ADCY2: variants seen among roughly 807,000 people sequenced by gnomAD.
ADCY2 encodes the protein adenylate cyclase type 2.
Under a neutral mutation model 125.2 loss-of-function variants are expected in ADCY2, and 31 were observed. That is an observed-to-expected ratio of 0.25 (90% confidence interval 0.19 to 0.33). The LOEUF (loss-of-function observed/expected upper bound fraction) is 0.33, where lower values mean the gene tolerates loss of function less well. Among genes scored for constraint, ADCY2 ranks in the 10% least tolerant of loss-of-function variants. The pLI is 1.00. For synonymous variants in ADCY2, 512 were observed against 548.4 expected (o/e 0.93, Z 0.93); for missense variants, 904 against 1,418.2 (o/e 0.64, Z 5.82).
chr5:7,805,227 T>G (rs1251832921), intron 22 of ADCY2, among the ~76,000 whole-genome samples: 3 of 150,766 alleles, frequency 2.0e-5, no homozygotes, highest in African/African-American at 7.3e-5. Context: ...GAGGCTGAGA[T>G]GGGAGGATGG....
intron 22 of ADCY2, among the ~76,000 whole-genome samples, chr5:7,812,228 C>T (rs1008428622): frequency 1.3e-5 from 2 of 152,058 alleles, no homozygotes; most frequent in Non-Finnish European, 1.5e-5. Context: ...AGCAAAAAAT[C>T]CTAAGTCTGT....
chr5:7,563,028 A>G (rs1410528551), intron 3 of ADCY2, among the ~76,000 whole-genome samples: 1 of 152,152 alleles, frequency 6.6e-6, no homozygotes, highest in Non-Finnish European at 1.5e-5. Flanking sequence ...TAAATGCATT[A>G]TATTGGTCTT....
intron 3 of ADCY2, among the ~76,000 whole-genome samples, chr5:7,563,358 A>G (rs1462746150): frequency 1.3e-5 from 2 of 152,222 alleles, no homozygotes; most frequent in African/African-American, 2.4e-5. Flanking sequence ...ACCCTGCAAA[A>G]GAAAGCTGCT....
At chr5:7,788,030 C>A (rs774585746) in intron 19 of ADCY2, among the ~76,000 whole-genome samples, 8 of 108,924 alleles carry the variant, frequency 7.3e-5, no homozygotes, top group Non-Finnish European at 1.3e-4. Context: ...TGAAGCCAGT[C>A]ACACCACTGA....
At chr5:7,747,808 G>A (rs985016360) in intron 15 of ADCY2, among the ~76,000 whole-genome samples, 3 of 152,284 alleles carry the variant, frequency 2.0e-5, no homozygotes, top group Admixed American at 1.3e-4. Flanking sequence ...GTTCACTGTA[G>A]CCCTATTTTG....
At chr5:7,680,191 A>C (rs938765266) in intron 4 of ADCY2, among the ~76,000 whole-genome samples, 1 of 152,208 alleles carries the variant, frequency 6.6e-6, no homozygotes, top group Non-Finnish European at 1.5e-5. Flanking sequence ...GTTTGTGAGC[A>C]GTCTGGATTG....
intron 1 of ADCY2, among the ~76,000 whole-genome samples, chr5:7,407,994 G>A (rs1340814713): frequency 1.3e-5 from 2 of 150,542 alleles, no homozygotes; most frequent in African/African-American, 2.4e-5. Context: ...TCAGCCTCCC[G>A]AGTAGCTGGG....
At chr5:7,642,185 G>T (rs914650396) in intron 4 of ADCY2, among the ~76,000 whole-genome samples, 1 of 152,072 alleles carries the variant, frequency 6.6e-6, no homozygotes, top group Non-Finnish European at 1.5e-5. Flanking sequence ...ACCAGCATGT[G>T]TGTTTTTTTG....
intron 15 of ADCY2, among the ~76,000 whole-genome samples, chr5:7,755,406 G>GA (rs373225975): frequency 4.1e-4 from 59 of 145,360 alleles, no homozygotes; most frequent in Non-Finnish European, 4.4e-4. Context: ...CTGGAAGGAA[G>GA]AAAAAAAAAA....
rs114208807 is a variant in ADCY2 at position 7,558,447 on chromosome 5, C to T, written c.570+37548C>T. On this transcript the variant is annotated intron_variant, in intron 3 of 24. Coordinates refer to ENST00000338316, the MANE Select transcript of ADCY2 (RefSeq NM_020546.3). ...TTTCTCTAATATCAGTGATGTTGAG[C>T]TTTTTATTATATGATTGTTGGCTGC... 4.8e-3 allele frequency among the ~76,000 whole-genome samples: 729 copies of T among 152,252 alleles called. 4 individuals are homozygous for T. Among genetic ancestry groups the T allele is most frequent in the African/African-American group, 0.016 (681 of 41,530 alleles).
chr5:7,532,820 G>A (rs1188943422), intron 3 of ADCY2, among the ~76,000 whole-genome samples: 1 of 151,652 alleles, frequency 6.6e-6, no homozygotes, highest in Non-Finnish European at 1.5e-5. Context: ...TTTAATTCGT[G>A]GCTTGATCCT....
chr5:7,508,711 G>A (rs938233187), intron 2 of ADCY2, among the ~76,000 whole-genome samples: 4 of 152,184 alleles, frequency 2.6e-5, no homozygotes, highest in African/African-American at 7.2e-5. Flanking sequence ...TCCATGGCCG[G>A]GTGAGGAAGG....
At chr5:7,405,155 A>G (rs1739428100) in intron 1 of ADCY2, among the ~76,000 whole-genome samples, 1 of 152,132 alleles carries the variant, frequency 6.6e-6, no homozygotes, top group Non-Finnish European at 1.5e-5. Context: ...CATACATGGG[A>G]TGAAATGTAG....
intron 23 of ADCY2, among the ~76,000 whole-genome samples, chr5:7,819,523 AATGTCTACTTTACCCTG>A (rs1370607425): frequency 1.3e-5 from 2 of 152,288 alleles, no homozygotes; most frequent in Admixed American, 1.3e-4. Context: ...ATTGACATTA[AATGTCTACTTTACCCTG>A]ATTGTCCAAT....
intron 4 of ADCY2, among the ~76,000 whole-genome samples, chr5:7,654,614 T>A (rs562043321): frequency 2.9e-4 from 44 of 152,240 alleles, no homozygotes; most frequent in Non-Finnish European, 5.7e-4. Flanking sequence ...GAGTTATATG[T>A]GTTTCTGCCT....
chr5:7,692,576 T>C (rs1228115859), intron 5 of ADCY2, among the ~76,000 whole-genome samples: 1 of 152,210 alleles, frequency 6.6e-6, no homozygotes, highest in African/African-American at 2.4e-5. Flanking sequence ...TATCTAAGTG[T>C]ATTATGCTAT....
At chr5:7,524,130 A>G (rs562458070) in intron 3 of ADCY2, among the ~76,000 whole-genome samples, 8 of 152,312 alleles carry the variant, frequency 5.3e-5, no homozygotes, top group Admixed American at 5.2e-4. Context: ...ATGATGTATC[A>G]CCTAATTAAG....
chr5:7,519,501 T>G (rs1744367833), intron 2 of ADCY2, among the ~76,000 whole-genome samples: 1 of 152,198 alleles, frequency 6.6e-6, no homozygotes, highest in African/African-American at 2.4e-5. Context: ...CCTATTTCCC[T>G]GACCTCAGTC....
intron 3 of ADCY2, among the ~76,000 whole-genome samples, chr5:7,542,563 A>AT (rs1297918624): frequency 6.6e-6 from 1 of 152,200 alleles, no homozygotes; most frequent in Non-Finnish European, 1.5e-5. Context: ...TGTGTAAAAA[A>AT]GGAAGATGGA....
Sources: gnomAD v4.1 joint callset for allele counts (sites outside exome capture counted in the v4.1 genomes callset) on GRCh38, gnomAD v4.1.1 for gene constraint, MANE v1.5 for transcripts, NCBI Gene and HGNC (gene_info 2026-07-23, HGNC 2026-07-21) for gene names.